GRIK4: variants seen among roughly 807,000 people sequenced by gnomAD.
The protein encoded by GRIK4 is glutamate ionotropic receptor kainate type subunit 4.
A neutral mutation model predicts 104.9 loss-of-function variants in GRIK4; 40 were observed. The ratio of observed to expected loss-of-function variants is 0.38; its 90% CI spans 0.30 to 0.50. GRIK4 has a LOEUF of 0.50. GRIK4 is among the 20% of genes least tolerant of loss of function. GRIK4 has a pLI of 0.93. For missense variants in GRIK4, 1,047 were observed against 1,308.1 expected (o/e 0.80, Z 3.08); for synonymous variants, 485 against 524.9 (o/e 0.92, Z 1.04).
intron 3 of GRIK4, among the ~76,000 whole-genome samples, chr11:120,780,664 A>T (rs1019283937): frequency 6.6e-6 from 1 of 152,192 alleles, no homozygotes; most frequent in African/African-American, 2.4e-5. Context: ...TTGCTACATC[A>T]TATGGTAATT....
At chr11:120,880,832 T>C (rs1954950310) in intron 11 of GRIK4, among the ~76,000 whole-genome samples, 1 of 152,236 alleles carries the variant, frequency 6.6e-6, no homozygotes, top group African/African-American at 2.4e-5. Flanking sequence ...AAGTTTGATT[T>C]TACTTCATTC....
intron 3 of GRIK4, among the ~76,000 whole-genome samples, chr11:120,796,199 C>T (rs1047564466): frequency 6.6e-6 from 1 of 151,934 alleles, no homozygotes; most frequent in South Asian, 2.1e-4. Context: ...CAACGCCTGG[C>T]ATATTTTTTG....
At position 120,860,616 on chromosome 11, in the gene GRIK4, A is replaced by C. The variant is rs1206965361; in HGVS notation, c.745-1343A>C. On this transcript the variant is annotated intron_variant, in intron 8 of 20. Coordinates refer to ENST00000527524, the MANE Select transcript of GRIK4 (RefSeq NM_014619.5). ...ATGACGATGAATTTGTTTCCTTACT[A>C]TCTGTCTCTTCCACTAACTGCAAGC... 2.0e-5 allele frequency among the ~76,000 whole-genome samples: 3 copies of C among 152,038 alleles called. No individual in the cohort carries two copies. In the East Asian group the frequency reaches 5.8e-4, roughly 29 times the overall value.
intron 1 of GRIK4, among the ~76,000 whole-genome samples, chr11:120,605,438 A>G (rs115275834): frequency 5.7e-4 from 87 of 152,326 alleles, no homozygotes; most frequent in African/African-American, 2.0e-3. Context: ...AATAAGACAA[A>G]TACTACTTAC....
At chr11:120,728,127 A>G (rs757923370) in intron 3 of GRIK4, among the ~76,000 whole-genome samples, 7 of 152,194 alleles carry the variant, frequency 4.6e-5, no homozygotes, top group Admixed American at 1.3e-4. Context: ...TTTTAGTAAT[A>G]TAACTGGGTT....
chr11:120,746,968 A>G (rs986979581), intron 3 of GRIK4, among the ~76,000 whole-genome samples: 11 of 152,186 alleles, frequency 7.2e-5, no homozygotes, highest in Admixed American at 3.9e-4. Flanking sequence ...TGCAAACCAC[A>G]TCCCCTTCTG....
At chr11:120,680,241 C>T (rs1306230804) in intron 3 of GRIK4, among the ~76,000 whole-genome samples, 3 of 152,160 alleles carry the variant, frequency 2.0e-5, no homozygotes, top group Non-Finnish European at 4.4e-5. Context: ...GCATGCCTGG[C>T]TAATTTTTAT....
intron 1 of GRIK4, among the ~76,000 whole-genome samples, chr11:120,582,383 G>T (rs1591712538): frequency 6.6e-6 from 1 of 152,068 alleles, no homozygotes; most frequent in South Asian, 2.1e-4. Context: ...TGTCATGGGG[G>T]TTTGGTGGTC....
At position 120,660,239 on chromosome 11, in the gene GRIK4, C is replaced by G. The variant is rs1042601912; in HGVS notation, c.-50-30C>G. ...GCAGCTGCCTAGCTGGAGCCTGGGACTCACGTGCCCCCAACCCCCTCTCTC... is the reference window on the plus strand; with the variant it reads ...GCAGCTGCCTAGCTGGAGCCTGGGAGTCACGTGCCCCCAACCCCCTCTCTC... On this transcript the variant is annotated intron_variant, in intron 2 of 20. Transcript: ENST00000527524. 3 of 987,834 alleles carry G rather than the reference C, an allele frequency of 3.0e-6. No individual in the cohort carries two copies. In the African/African-American group the frequency reaches 4.8e-5, roughly 16 times the overall value. The allele number at this position is 987,834 out of a possible 1,614,324, so 61.2% of individuals were successfully genotyped here. A position where few individuals can be genotyped will look rare whatever the true frequency, so the allele number is the denominator to read the frequency against.
intron 1 of GRIK4, among the ~76,000 whole-genome samples, chr11:120,525,470 C>A (rs1947846114): frequency 6.6e-6 from 1 of 152,166 alleles, no homozygotes; most frequent in African/African-American, 2.4e-5. Flanking sequence ...CAGCCCCATT[C>A]ATACTGGGCA....
chr11:120,907,600 A>G (rs745413153), intron 13 of GRIK4, among the ~76,000 whole-genome samples: 7 of 152,176 alleles, frequency 4.6e-5, no homozygotes, highest in Non-Finnish European at 8.8e-5. Context: ...GACAAAATAA[A>G]CACGGACACA....
chr11:120,684,239 C>T (rs1448793217), intron 3 of GRIK4, among the ~76,000 whole-genome samples: 1 of 152,208 alleles, frequency 6.6e-6, no homozygotes, highest in African/African-American at 2.4e-5. Flanking sequence ...AGGAGAATCA[C>T]TTGAGCCTGG....
At chr11:120,558,498 G>T (rs540099414) in intron 1 of GRIK4, among the ~76,000 whole-genome samples, 2 of 152,326 alleles carry the variant, frequency 1.3e-5, no homozygotes, top group East Asian at 3.9e-4. Flanking sequence ...TGAAGCAGGA[G>T]AATCGCTTGA....
In GRIK4 at chr11:120,947,358, C is replaced by T. The variant is rs183017764; in HGVS notation, c.1591-5497C>T. On this transcript the variant is annotated intron_variant, in intron 14 of 20. Transcript: ENST00000527524. ...TGGAGGTTGTAGTGAGCCGAGATTGCAACATTGCACTCTAGCCTGGGCAAC... is the reference window on the plus strand; with the variant it reads ...TGGAGGTTGTAGTGAGCCGAGATTGTAACATTGCACTCTAGCCTGGGCAAC... Among the ~76,000 whole-genome samples the T allele has an allele frequency of 1.4e-3, 198 of 146,030 alleles. 2 individuals carry two copies. The highest frequency in any genetic ancestry group is 4.8e-3 in the African/African-American group (188 of 39,414).
At chr11:120,834,564 C>T (rs1265503359) in intron 7 of GRIK4, among the ~76,000 whole-genome samples, 1 of 151,954 alleles carries the variant, frequency 6.6e-6, no homozygotes, top group East Asian at 1.9e-4. Context: ...CGTACTCTTC[C>T]CTCCAGGAGG....
At chr11:120,537,274 T>C (rs144267232) in intron 1 of GRIK4, among the ~76,000 whole-genome samples, 56 of 152,270 alleles carry the variant, frequency 3.7e-4, no homozygotes, top group Admixed American at 7.2e-4. Flanking sequence ...CTTGACCTGG[T>C]CCACAGGTTC....
intron 3 of GRIK4, among the ~76,000 whole-genome samples, chr11:120,741,673 T>C (rs1034691824): frequency 2.0e-5 from 3 of 152,172 alleles, no homozygotes; most frequent in Admixed American, 6.5e-5. Flanking sequence ...TCTATTCATG[T>C]GAGTGCCCCA....
At chr11:120,561,142 G>T (rs1217142809) in intron 1 of GRIK4, among the ~76,000 whole-genome samples, 3 of 146,768 alleles carry the variant, frequency 2.0e-5, no homozygotes, top group Non-Finnish European at 4.5e-5. Context: ...GAGTGAGCCT[G>T]TCTAGTCCCC....
At chr11:120,520,698 C>T (rs945713830) in intron 1 of GRIK4, among the ~76,000 whole-genome samples, 2 of 152,152 alleles carry the variant, frequency 1.3e-5, no homozygotes, top group African/African-American at 4.8e-5. Flanking sequence ...GGTTAATAGC[C>T]GAGGATTAGA....
Sources: allele counts gnomAD v4.1 joint callset (sites outside exome capture counted in the v4.1 genomes callset), GRCh38; gene constraint gnomAD v4.1.1; transcripts MANE v1.5; gene names NCBI Gene and HGNC (gene_info 2026-07-23, HGNC 2026-07-21).